TAS2R1: variants seen among roughly 807,000 people sequenced by gnomAD.
The protein encoded by TAS2R1 is taste 2 receptor member 1, also known as taste receptor type 2 member 1.
For missense variants in TAS2R1, 370 were observed against 353.4 expected (o/e 1.05, Z -0.38); for synonymous variants, 141 against 134.2 (o/e 1.05, Z -0.35).
At chr5:9,896,632 T>C in the TAS2R1 span, among the ~76,000 whole-genome samples, 21 of 152,160 alleles carry the variant, frequency 1.4e-4, no homozygotes, top group Admixed American at 1.3e-3. Context: ...ACCTAATGGC[T>C]TTACTTTGTG....
chr5:9,769,132 GTTTTAA>G, the TAS2R1 span, among the ~76,000 whole-genome samples: 6 of 152,208 alleles, frequency 3.9e-5, no homozygotes, highest in African/African-American at 1.4e-4. Context: ...GACTTCAGTT[GTTTTAA>G]TTTTTAGCTC....
chr5:9,901,584 T>C, the TAS2R1 span, among the ~76,000 whole-genome samples: 1 of 152,016 alleles, frequency 6.6e-6, no homozygotes, highest in Admixed American at 6.6e-5. Flanking sequence ...GAAAGCTTTG[T>C]AAAAGGAAGT....
At chr5:9,784,538 G>A in the TAS2R1 span, among the ~76,000 whole-genome samples, 7 of 152,230 alleles carry the variant, frequency 4.6e-5, no homozygotes, top group Non-Finnish European at 1.0e-4. Flanking sequence ...TTATGCATAA[G>A]AATCATGAAA....
chr5:9,833,290 T>C, the TAS2R1 span, among the ~76,000 whole-genome samples: 1 of 152,212 alleles, frequency 6.6e-6, no homozygotes, highest in Non-Finnish European at 1.5e-5. Context: ...GTAGCTATCT[T>C]ATTTAGGAAT....
chr5:9,727,455 A>G, the TAS2R1 span, among the ~76,000 whole-genome samples: 1 of 152,238 alleles, frequency 6.6e-6, no homozygotes, highest in Admixed American at 6.5e-5. Flanking sequence ...CAACTCAGGC[A>G]GGTAATCTTA....
chr5:9,841,485 T>C, the TAS2R1 span, among the ~76,000 whole-genome samples: 2 of 152,232 alleles, frequency 1.3e-5, no homozygotes, highest in Non-Finnish European at 2.9e-5. Flanking sequence ...GTACTGAATT[T>C]GCTATTAAAC....
chr5:9,630,332 C>A lies in TAS2R1; in HGVS notation c.-300G>T, dbSNP rs1739850332. The A allele has an allele frequency of 4.5e-6, 1 of 220,046 alleles. No individual in the cohort carries two copies. The highest frequency in any genetic ancestry group is 9.8e-6 in the Non-Finnish European group (1 of 101,570). 13.6% of individuals were successfully genotyped at this position (220,046 alleles called of 1,614,324 possible). A position where few individuals can be genotyped will look rare whatever the true frequency, so the allele number is the denominator to read the frequency against. ...CACAGGCAAATAATGGAATCAGACA[C>A]CTTCAGACAGCTGGGAGAACAGCTC... is the stretch of plus-strand genomic sequence containing the variant. On this transcript the variant is annotated 5_prime_UTR_variant, in exon 1 of 1. Coordinates refer to ENST00000382492, the MANE Select transcript of TAS2R1 (RefSeq NM_019599.3).
the TAS2R1 span, among the ~76,000 whole-genome samples, chr5:9,884,798 CT>C: frequency 6.6e-6 from 1 of 152,142 alleles, no homozygotes; most frequent in Non-Finnish European, 1.5e-5. Context: ...TAACTTTGAC[CT>C]TTTTCTAGGA....
At position 9,629,534 on chromosome 5, in the gene TAS2R1, G is replaced by C; in HGVS notation, c.499C>G (p.Gln167Glu). The C allele has an allele frequency of 6.2e-7, 1 of 1,613,704 alleles. No individual in the cohort carries two copies. Among genetic ancestry groups the C allele is most frequent in the Non-Finnish European group, 8.5e-7 (1 of 1,179,902 alleles). The change falls in exon 1 of 1, where the codon CAA becomes GAA. Residue 167 changes from glutamine (Q) to glutamate (E), a missense_variant. Gln to Glu is a conservative substitution (Grantham distance 29, BLOSUM62 2). Transcript: ENST00000382492. ...TGTATAGCCAGTGTATCTTCTTTTT[G>C]AATTGTGGCATTTTGGGAGAAAAAT... is the stretch of plus-strand genomic sequence containing the variant. ...RKFFSQNATI[Q>E]KEDTLAIQIF...
At chr5:9,780,737 A>G in the TAS2R1 span, among the ~76,000 whole-genome samples, 18 of 152,304 alleles carry the variant, frequency 1.2e-4, no homozygotes, top group Admixed American at 3.9e-4. Flanking sequence ...GTTAGGTTAT[A>G]GTACAGTTAT....
At chr5:9,766,413 G>A in the TAS2R1 span, among the ~76,000 whole-genome samples, 1 of 152,202 alleles carries the variant, frequency 6.6e-6, no homozygotes, top group African/African-American at 2.4e-5. Flanking sequence ...CCTTTACAGG[G>A]AAACAAAACA....
At chr5:9,842,316 CT>C in the TAS2R1 span, among the ~76,000 whole-genome samples, 6,904 of 116,208 alleles carry the variant, frequency 0.059, 223 homozygotes, top group East Asian at 0.2. Flanking sequence ...TTCTTTCTCT[CT>C]TTTTTTTTTT....
the TAS2R1 span, among the ~76,000 whole-genome samples, chr5:9,740,164 C>A: frequency 6.6e-6 from 1 of 152,118 alleles, no homozygotes. Context: ...TTTCTCAGAG[C>A]CTTTTATATG....
At chr5:9,832,833 G>T in the TAS2R1 span, among the ~76,000 whole-genome samples, 2 of 152,216 alleles carry the variant, frequency 1.3e-5, no homozygotes, top group Non-Finnish European at 2.9e-5. Context: ...AATTTAGGAA[G>T]TTTATTTTGC....
chr5:9,682,775 G>C (rs1163151004), intron 1 of TAS2R1, among the ~76,000 whole-genome samples: 1 of 152,076 alleles, frequency 6.6e-6, no homozygotes, highest in Admixed American at 6.6e-5. Flanking sequence ...GGATTCTGAG[G>C]GTTTAAAATG....
chr5:9,771,747 T>C, the TAS2R1 span, among the ~76,000 whole-genome samples: 5 of 152,252 alleles, frequency 3.3e-5, no homozygotes, highest in East Asian at 9.6e-4. Flanking sequence ...TAGTAGATTG[T>C]ATGTGTCCAG....
the TAS2R1 span, among the ~76,000 whole-genome samples, chr5:9,873,872 G>GC: frequency 8.2e-6 from 1 of 121,732 alleles, no homozygotes; most frequent in Admixed American, 8.8e-5. Context: ...CTGTCTCGGG[G>GC]AAAAAAAAAA....
the TAS2R1 span, among the ~76,000 whole-genome samples, chr5:9,782,743 T>A: frequency 1.3e-5 from 2 of 152,196 alleles, no homozygotes; most frequent in Non-Finnish European, 2.9e-5. Flanking sequence ...ACATCTTTTC[T>A]TTTCTTTCTA....
intron 1 of TAS2R1, among the ~76,000 whole-genome samples, chr5:9,677,027 T>G (rs1476060145): frequency 6.6e-6 from 1 of 152,150 alleles, no homozygotes; most frequent in Non-Finnish European, 1.5e-5. Context: ...AGTGATAGAC[T>G]GGATAAAGAA....
Sources: allele counts gnomAD v4.1 joint callset (sites outside exome capture counted in the v4.1 genomes callset), GRCh38; gene constraint gnomAD v4.1.1; transcripts MANE v1.5; gene names NCBI Gene and HGNC (gene_info 2026-07-23, HGNC 2026-07-21).